SPOCK1: variants seen among roughly 807,000 people sequenced by gnomAD.
The protein encoded by SPOCK1 is testican-1.
A neutral mutation model predicts 55.3 loss-of-function variants in SPOCK1; 23 were observed. The ratio of observed to expected loss-of-function variants is 0.42; its 90% CI spans 0.30 to 0.59. The LOEUF (loss-of-function observed/expected upper bound fraction) is 0.59. Among genes scored for constraint, SPOCK1 ranks in the 20% least tolerant of loss-of-function variants. SPOCK1 has a pLI of 0.22. For synonymous variants in SPOCK1, 226 were observed against 221.0 expected, an observed-to-expected ratio of 1.02 and a Z score of -0.20; for missense variants, 499 against 552.5, an observed-to-expected ratio of 0.90 and a Z score of 0.97.
At chr5:137,347,917 T>C (rs1382167416) in intron 2 of SPOCK1, among the ~76,000 whole-genome samples, 1 of 152,178 alleles carries the variant, frequency 6.6e-6, no homozygotes, top group Admixed American at 6.5e-5. Context: ...GTATGTCCTC[T>C]TGTATAGGAA....
intron 2 of SPOCK1, among the ~76,000 whole-genome samples, chr5:137,421,498 A>G (rs1444264951): frequency 1.3e-5 from 2 of 152,194 alleles, no homozygotes; most frequent in Non-Finnish European, 2.9e-5. Flanking sequence ...GGGTGCATAT[A>G]TATTTATGGT....
At chr5:137,242,801 A>G (rs750496145) in intron 3 of SPOCK1, among the ~76,000 whole-genome samples, 1 of 152,230 alleles carries the variant, frequency 6.6e-6, no homozygotes, top group Non-Finnish European at 1.5e-5. Flanking sequence ...ATCTCTATGC[A>G]CAAACACAAA....
At chr5:137,216,636 G>A (rs1755722065) in intron 3 of SPOCK1, among the ~76,000 whole-genome samples, 1 of 152,268 alleles carries the variant, frequency 6.6e-6, no homozygotes, top group Admixed American at 6.5e-5. Context: ...ACTCAAACCA[G>A]GGAGGCAGAG....
chr5:137,458,137 C>A (rs1234879398), intron 2 of SPOCK1, among the ~76,000 whole-genome samples: 1 of 152,154 alleles, frequency 6.6e-6, no homozygotes, highest in African/African-American at 2.4e-5. Flanking sequence ...AAGGAACAGG[C>A]TATGGGAGAG....
intron 2 of SPOCK1, among the ~76,000 whole-genome samples, chr5:137,409,100 C>T (rs1752158746): frequency 6.6e-6 from 1 of 152,172 alleles, no homozygotes; most frequent in Non-Finnish European, 1.5e-5. Flanking sequence ...TCCAGTCCCC[C>T]ATACAATCTC....
chr5:137,464,478 G>A (rs953998088), intron 2 of SPOCK1, among the ~76,000 whole-genome samples: 2 of 151,880 alleles, frequency 1.3e-5, no homozygotes, highest in African/African-American at 2.4e-5. Context: ...TTAAGAATAT[G>A]GAAAAGATAG....
intron 2 of SPOCK1, among the ~76,000 whole-genome samples, chr5:137,287,799 T>G (rs1172172559): frequency 6.6e-6 from 1 of 152,180 alleles, no homozygotes; most frequent in African/African-American, 2.4e-5. Context: ...TCACTACTGC[T>G]AAATGCAATG....
chr5:137,040,918 G>T (rs1164139333), intron 6 of SPOCK1, among the ~76,000 whole-genome samples: 1 of 152,164 alleles, frequency 6.6e-6, no homozygotes, highest in Non-Finnish European at 1.5e-5. Context: ...AGTGATAAAG[G>T]AGGGCCTACT....
intron 2 of SPOCK1, among the ~76,000 whole-genome samples, chr5:137,425,153 G>A (rs1221107830): frequency 2.0e-5 from 3 of 151,504 alleles, no homozygotes; most frequent in African/African-American, 7.3e-5. Flanking sequence ...CTTTCACAAG[G>A]CTAATATTTT....
At chr5:137,001,376 C>T (rs779518557) in intron 6 of SPOCK1, among the ~76,000 whole-genome samples, 18 of 152,200 alleles carry the variant, frequency 1.2e-4, no homozygotes, top group Admixed American at 2.6e-4. Context: ...CACAGGAAGC[C>T]ATCCAGCAAG....
chr5:137,435,713 C>G (rs1752850851), intron 2 of SPOCK1, among the ~76,000 whole-genome samples: 2 of 152,074 alleles, frequency 1.3e-5, no homozygotes, highest in African/African-American at 4.8e-5. Flanking sequence ...CATCTTACTG[C>G]CTTCACCAAT....
intron 2 of SPOCK1, among the ~76,000 whole-genome samples, chr5:137,369,905 T>C (rs1054090742): frequency 1.3e-4 from 20 of 152,226 alleles, no homozygotes; most frequent in Non-Finnish European, 1.8e-4. Flanking sequence ...CATCTCCAAA[T>C]ACCATCACAC....
chr5:137,066,898 T>C (rs139444126), intron 6 of SPOCK1, among the ~76,000 whole-genome samples: 1 of 151,608 alleles, frequency 6.6e-6, no homozygotes, highest in Non-Finnish European at 1.5e-5. Context: ...GCCAGATAGA[T>C]AAACGCTCAT....
chr5:137,013,544 C>G (rs2126975915), intron 6 of SPOCK1, among the ~76,000 whole-genome samples: 1 of 152,312 alleles, frequency 6.6e-6, no homozygotes, highest in African/African-American at 2.4e-5. Flanking sequence ...GGAACCCAGT[C>G]TGGGAATCAT....
chr5:136,990,108 C>T (rs1750917770), intron 7 of SPOCK1, among the ~76,000 whole-genome samples: 1 of 152,078 alleles, frequency 6.6e-6, no homozygotes, highest in African/African-American at 2.4e-5. Context: ...GACAGGGTTT[C>T]ACCGTGTTAG....
chr5:136,978,892 T>G (rs759626442), intron 10 of SPOCK1, 48 bp from the exon 11 acceptor site: 3 of 1,544,614 alleles, frequency 1.9e-6, no homozygotes, highest in Admixed American at 2.0e-5. Context: ...TTATACCTCA[T>G]GACCCACGTC....
rs574523203 is a variant in SPOCK1 at position 137,450,146 on chromosome 5, G to A, written c.186+48227C>T. Among the ~76,000 whole-genome samples, 5 of 152,224 alleles carry A rather than the reference G, an allele frequency of 3.3e-5. No homozygotes were observed. In the South Asian group the frequency reaches 1.0e-3, roughly 32 times the overall value. On this transcript the variant is annotated intron_variant, in intron 2 of 10. Transcript: ENST00000394945. ...AGCCTTGGGGGAGTGAGATGTTGAG[G>A]TGGGGAAGGGCAAGAAGATTGAGGA...
At chr5:137,495,879 G>A (rs1023415348) in intron 2 of SPOCK1, among the ~76,000 whole-genome samples, 1 of 152,198 alleles carries the variant, frequency 6.6e-6, no homozygotes, top group Non-Finnish European at 1.5e-5. Context: ...AGTGTCAGGT[G>A]ACTCCATACA....
chr5:137,130,706 C>T (rs890400047), intron 4 of SPOCK1, among the ~76,000 whole-genome samples: 2 of 152,316 alleles, frequency 1.3e-5, no homozygotes, highest in South Asian at 2.1e-4. Context: ...GTCACTGTTC[C>T]GAAGCTAGAC....
Sources: gnomAD v4.1 joint callset for allele counts (sites outside exome capture counted in the v4.1 genomes callset) on GRCh38, gnomAD v4.1.1 for gene constraint, MANE v1.5 for transcripts, NCBI Gene and HGNC (gene_info 2026-07-23, HGNC 2026-07-21) for gene names.